Variants in DRC8 observed in about 807,000 individuals in gnomAD.
The protein encoded by DRC8 is dynein regulatory complex protein 8.
chr1:245,033,614 G>A, the DRC8 span, among the ~76,000 whole-genome samples: 55,312 of 151,888 alleles, frequency 0.36, 10,399 homozygotes, highest in African/African-American at 0.47. Context: ...CTATCTCTCC[G>A]TCCCATCCTG....
At chr1:245,118,795 A>AAAAAGAAAAGGAAAG in the DRC8 span, among the ~76,000 whole-genome samples, 1 of 138,484 alleles carries the variant, frequency 7.2e-6, no homozygotes, top group Admixed American at 7.9e-5. Flanking sequence ...GCCATCTCAA[A>AAAAAGAAAAGGAAAG]AAAAGAAAAG....
the DRC8 span, among the ~76,000 whole-genome samples, chr1:245,043,050 G>A: frequency 1.3e-5 from 2 of 152,150 alleles, no homozygotes. Context: ...CACAGGTACA[G>A]AAAAACATTT....
chr1:245,101,156 A>G, the DRC8 span, among the ~76,000 whole-genome samples: 3 of 152,180 alleles, frequency 2.0e-5, no homozygotes, highest in African/African-American at 7.2e-5. Flanking sequence ...AAGCGCTGGG[A>G]TTACAGGCAT....
the DRC8 span, among the ~76,000 whole-genome samples, chr1:245,030,228 C>T: frequency 6.6e-6 from 1 of 152,184 alleles, no homozygotes; most frequent in African/African-American, 2.4e-5. Context: ...CCTGTGGCCC[C>T]ACACTTGTTT....
At chr1:245,121,898 A>ATTT in the DRC8 span, 2 of 415,566 alleles carry the variant, frequency 4.8e-6, no homozygotes, top group Non-Finnish European at 9.4e-6. Flanking sequence ...CTTTTTTCTT[A>ATTT]TTTTATTTTA....
the DRC8 span, among the ~76,000 whole-genome samples, chr1:244,990,689 C>T: frequency 1.8e-3 from 280 of 152,170 alleles, 1 homozygote; most frequent in African/African-American, 6.3e-3. Context: ...TGCTCTGTTG[C>T]CCAGGCTGGA....
the DRC8 span, chr1:245,122,146 T>C: frequency 4.2e-6 from 1 of 236,358 alleles, no homozygotes; most frequent in South Asian, 4.8e-5. Flanking sequence ...CAAGTGATCC[T>C]CCCGCCTCAG....
the DRC8 span, among the ~76,000 whole-genome samples, chr1:245,115,385 T>C: frequency 6.6e-6 from 1 of 152,186 alleles, no homozygotes; most frequent in African/African-American, 2.4e-5. Flanking sequence ...GCCCACTCTT[T>C]AGCAATGGGG....
chr1:245,028,969 A>G, the DRC8 span, among the ~76,000 whole-genome samples: 1 of 152,226 alleles, frequency 6.6e-6, no homozygotes, highest in Non-Finnish European at 1.5e-5. Context: ...CATATCTGTG[A>G]TGAAGCTTGC....
the DRC8 span, among the ~76,000 whole-genome samples, chr1:245,047,372 C>T: frequency 1.3e-5 from 2 of 152,152 alleles, no homozygotes; most frequent in African/African-American, 2.4e-5. Context: ...CAGTGGCTCA[C>T]GCCTGTAATC....
At chr1:245,082,782 G>C in the DRC8 span, among the ~76,000 whole-genome samples, 105 of 152,162 alleles carry the variant, frequency 6.9e-4, no homozygotes, top group African/African-American at 2.5e-3. Context: ...TTGGCTCACT[G>C]CAACCTCCAC....
the DRC8 span, among the ~76,000 whole-genome samples, chr1:245,012,627 T>C: frequency 3.9e-5 from 6 of 152,084 alleles, no homozygotes; most frequent in African/African-American, 1.2e-4. Flanking sequence ...TACTCAGGCA[T>C]CATCTTCTTG....
At chr1:245,074,192 G>A in the DRC8 span, among the ~76,000 whole-genome samples, 405 of 152,276 alleles carry the variant, frequency 2.7e-3, 1 homozygote, top group African/African-American at 9.2e-3. Context: ...GATATTTATT[G>A]TGTTAACCAC....
At chr1:244,992,575 C>A in the DRC8 span, among the ~76,000 whole-genome samples, 2 of 152,042 alleles carry the variant, frequency 1.3e-5, no homozygotes, top group African/African-American at 4.8e-5. Flanking sequence ...CCTGTCTCTA[C>A]TAAAAATACA....
the DRC8 span, among the ~76,000 whole-genome samples, chr1:245,081,826 C>G: frequency 3.3e-5 from 5 of 152,202 alleles, no homozygotes; most frequent in Admixed American, 3.3e-4. Context: ...ACTGTACTTA[C>G]ATCAGTTCAC....
At chr1:245,100,107 G>C in the DRC8 span, among the ~76,000 whole-genome samples, 2 of 152,060 alleles carry the variant, frequency 1.3e-5, no homozygotes, top group African/African-American at 4.8e-5. Context: ...TGGTTTGGCC[G>C]GGCACGGTGG....
At chr1:245,093,329 A>G in the DRC8 span, among the ~76,000 whole-genome samples, 2 of 152,094 alleles carry the variant, frequency 1.3e-5, no homozygotes, top group Non-Finnish European at 2.9e-5. Flanking sequence ...GTACTTTTAG[A>G]GCAGCAGGAA....
At chr1:245,120,687 G>A in the DRC8 span, among the ~76,000 whole-genome samples, 1 of 152,168 alleles carries the variant, frequency 6.6e-6, no homozygotes, top group Non-Finnish European at 1.5e-5. Flanking sequence ...AGCAGTGATT[G>A]CAACATTTTC....
the DRC8 span, among the ~76,000 whole-genome samples, chr1:245,103,777 A>G: frequency 2.0e-5 from 3 of 152,218 alleles, no homozygotes; most frequent in African/African-American, 7.2e-5. Context: ...AGAGCTTCCT[A>G]GTACCAAGCA....
Sources: gnomAD v4.1 joint callset for allele counts (sites outside exome capture counted in the v4.1 genomes callset) on GRCh38, gnomAD v4.1.1 for gene constraint, MANE v1.5 for transcripts, NCBI Gene and HGNC (gene_info 2026-07-23, HGNC 2026-07-21) for gene names.